ADAP2: variants seen among roughly 807,000 people sequenced by gnomAD.
ADAP2 encodes arf-GAP with dual PH domain-containing protein 2.
Under a neutral mutation model 54.9 loss-of-function variants are expected in ADAP2, and 42 were observed. The observed-to-expected ratio is 0.77, with a 90% CI of 0.60 to 0.99. The LOEUF (loss-of-function observed/expected upper bound fraction) is 0.99. Ranked by LOEUF, ADAP2 falls within the 50% of genes least tolerant of loss-of-function variation. The probability of loss-of-function intolerance (pLI) is 0.00; values close to 1 mark genes in which losing one functional copy is unlikely to be tolerated. For synonymous variants in ADAP2, 177 were observed against 180.1 expected (o/e 0.98, Z 0.14); for missense variants, 429 against 480.4 (o/e 0.89, Z 1.00).
chr17:30,939,253 A>T (rs936986507), intron 5 of ADAP2, among the ~76,000 whole-genome samples: 4 of 152,128 alleles, frequency 2.6e-5, no homozygotes, highest in Non-Finnish European at 5.9e-5. Context: ...AAAAAAGTTG[A>T]TCTGTTTTTC....
Position 30,945,054 on chromosome 17 carries a change from G to T in ADAP2, c.657+1G>T, listed in dbSNP as rs765517621. On this transcript the variant is annotated splice_donor_variant, in intron 6 of 10. Transcript: ENST00000330889. LOFTEE classifies it high-confidence loss of function. ...GTTTGTGTATCATGAAAGTGGGAAG[G>T]TGAGATGCCTGGAGTTGCCACCTCC... 1.2e-6 allele frequency: 2 copies of T among 1,613,640 alleles called. No homozygotes were observed. Among genetic ancestry groups the T allele is most frequent in the Non-Finnish European group, 1.7e-6 (2 of 1,179,850 alleles).
intron 6 of ADAP2, among the ~76,000 whole-genome samples, chr17:30,947,248 A>G (rs1002700375): frequency 6.6e-6 from 1 of 152,202 alleles, no homozygotes; most frequent in Non-Finnish European, 1.5e-5. Flanking sequence ...ACATGTATGC[A>G]GGTTGGATTT....
chr17:30,926,584 C>T (rs1911072762), intron 2 of ADAP2, among the ~76,000 whole-genome samples: 1 of 152,140 alleles, frequency 6.6e-6, no homozygotes, highest in Non-Finnish European at 1.5e-5. Context: ...ATGAAAATGG[C>T]TGAGAGGACC....
At chr17:30,940,708 A>C (rs1912213431) in intron 5 of ADAP2, among the ~76,000 whole-genome samples, 1 of 152,148 alleles carries the variant, frequency 6.6e-6, no homozygotes. Context: ...ACTCTCACAA[A>C]ATTGCCCTTG....
chr17:30,926,955 C>A, intron 3 of ADAP2, 37 bp downstream of exon 3: 2 of 1,526,704 alleles, frequency 1.3e-6, no homozygotes, highest in Non-Finnish European at 1.8e-6. Context: ...GGTGAGGGGT[C>A]TGTCCTGGTT....
intron 5 of ADAP2, among the ~76,000 whole-genome samples, chr17:30,941,324 T>A (rs937399592): frequency 3.9e-5 from 6 of 152,254 alleles, no homozygotes; most frequent in Non-Finnish European, 8.8e-5. Flanking sequence ...GGTCTGCTGC[T>A]GCAGGCGCCA....
At chr17:30,952,263 G>C (rs1904717211) in intron 7 of ADAP2, among the ~76,000 whole-genome samples, 1 of 152,188 alleles carries the variant, frequency 6.6e-6, no homozygotes, top group Non-Finnish European at 1.5e-5. Context: ...GAGACAGAAG[G>C]TCTTAACAAA....
At chr17:30,953,258 TG>T (rs754492353) in intron 7 of ADAP2, 29 bp from the exon 8 acceptor site, 5 of 1,613,254 alleles carry the variant, frequency 3.1e-6, no homozygotes, top group African/African-American at 1.3e-5. Flanking sequence ...GGGTGTGAGT[TG>T]GGGGTCAGTG....
chr17:30,933,624 T>C (rs1303152684), intron 4 of ADAP2, among the ~76,000 whole-genome samples: 1 of 152,116 alleles, frequency 6.6e-6, no homozygotes, highest in Non-Finnish European at 1.5e-5. Flanking sequence ...CTCAGCCTCC[T>C]GAGTAGCTGG....
chr17:30,926,952 G>T, intron 3 of ADAP2, 34 bp downstream of exon 3: 6 of 1,517,676 alleles, frequency 4.0e-6, no homozygotes, highest in Non-Finnish European at 3.7e-6. Flanking sequence ...CTGGGTGAGG[G>T]GTCTGTCCTG....
intron 7 of ADAP2, among the ~76,000 whole-genome samples, chr17:30,950,342 G>A (rs1202971083): frequency 2.0e-5 from 3 of 152,208 alleles, no homozygotes; most frequent in African/African-American, 7.2e-5. Flanking sequence ...CCCGCATGGT[G>A]TAGGGCAGAG....
At chr17:30,955,110 CTTAT>C (rs1041332997) in intron 9 of ADAP2, among the ~76,000 whole-genome samples, 1 of 133,584 alleles carries the variant, frequency 7.5e-6, no homozygotes, top group African/African-American at 4.3e-5. Flanking sequence ...TTAGGTATCA[CTTAT>C]TTTTTTTTTT....
chr17:30,925,351 G>C (rs1290588788), intron 2 of ADAP2, among the ~76,000 whole-genome samples: 2 of 151,018 alleles, frequency 1.3e-5, no homozygotes, highest in Non-Finnish European at 3.0e-5. Context: ...CACCATGCCC[G>C]GCTAATTTTT....
At chr17:30,922,159 C>T in intron 1 of ADAP2, 51 bp downstream of exon 1, 1 of 1,179,310 alleles carries the variant, frequency 8.5e-7, no homozygotes, top group Non-Finnish European at 1.1e-6. Context: ...GGACCCCAGG[C>T]CCACCCGACT....
At chr17:30,934,349 A>T in intron 5 of ADAP2, 52 bp downstream of exon 5, 2 of 1,217,816 alleles carry the variant, frequency 1.6e-6, no homozygotes, top group Non-Finnish European at 2.4e-6. Flanking sequence ...CTCTCACCCG[A>T]CTAAGGTCTA....
At chr17:30,931,031 G>A (rs1185003522) in intron 3 of ADAP2, among the ~76,000 whole-genome samples, 1 of 152,194 alleles carries the variant, frequency 6.6e-6, no homozygotes. Context: ...AAATGATAGA[G>A]TGAGACCAGG....
chr17:30,944,573 C>T, intron 5 of ADAP2, among the ~76,000 whole-genome samples: 1 of 152,330 alleles, frequency 6.6e-6, no homozygotes, highest in East Asian at 1.9e-4. Flanking sequence ...CACTCTCCTG[C>T]CTCAGTCTTC....
intron 4 of ADAP2, among the ~76,000 whole-genome samples, chr17:30,932,254 A>T (rs577677570): frequency 3.1e-5 from 4 of 129,888 alleles, no homozygotes; most frequent in East Asian, 4.5e-4. Context: ...TTTTTTTGAG[A>T]CAGGGTCTTA....
At chr17:30,935,397 G>A (rs1911799548) in intron 5 of ADAP2, among the ~76,000 whole-genome samples, 1 of 152,046 alleles carries the variant, frequency 6.6e-6, no homozygotes, top group Admixed American at 6.6e-5. Context: ...ATAGCGGAGA[G>A]TGAGAAGATA....
Sources: allele counts gnomAD v4.1 joint callset (sites outside exome capture counted in the v4.1 genomes callset), GRCh38; gene constraint gnomAD v4.1.1; transcripts MANE v1.5; gene names NCBI Gene and HGNC (gene_info 2026-07-23, HGNC 2026-07-21).